Variants in FNDC3B observed in about 807,000 individuals in gnomAD.
FNDC3B encodes the protein fibronectin type III domain containing 3B.
In FNDC3B, 12 loss-of-function variants were observed where a neutral mutation model predicts 151.5. The ratio of observed to expected loss-of-function variants is 0.08; its 90% CI spans 0.05 to 0.13. The LOEUF is 0.13. Ranked by LOEUF, FNDC3B falls within the 10% of genes least tolerant of loss-of-function variation. The pLI is 1.00. For synonymous variants in FNDC3B, 528 were observed against 549.0 expected, an observed-to-expected ratio of 0.96 and a Z score of 0.54; for missense variants, 1,214 against 1,505.3, an observed-to-expected ratio of 0.81 and a Z score of 3.20.
intron 19 of FNDC3B, among the ~76,000 whole-genome samples, chr3:172,344,800 C>CTCTT (rs562697124): frequency 3.2e-4 from 48 of 152,244 alleles, no homozygotes; most frequent in African/African-American, 1.1e-3. Context: ...ATATATATGT[C>CTCTT]TATGTTATAT....
intron 1 of FNDC3B, among the ~76,000 whole-genome samples, chr3:172,056,574 A>C (rs1191255461): frequency 1.3e-5 from 2 of 152,194 alleles, no homozygotes; most frequent in Non-Finnish European, 2.9e-5. Context: ...TTAATTGCCC[A>C]GTCTCTCAGT....
intron 3 of FNDC3B, among the ~76,000 whole-genome samples, chr3:172,172,369 C>T (rs1723326076): frequency 6.6e-6 from 1 of 152,122 alleles, no homozygotes; most frequent in Non-Finnish European, 1.5e-5. Flanking sequence ...TAAAGAATAT[C>T]TAAGATTAAA....
chr3:172,077,160 A>G (rs1718053007), intron 1 of FNDC3B, among the ~76,000 whole-genome samples: 1 of 152,190 alleles, frequency 6.6e-6, no homozygotes, highest in South Asian at 2.1e-4. Flanking sequence ...GTTAAAAAAA[A>G]TAAAAAAAAG....
chr3:172,391,545 A>G (rs1020582146), intron 25 of FNDC3B, among the ~76,000 whole-genome samples: 3 of 152,220 alleles, frequency 2.0e-5, no homozygotes, highest in Non-Finnish European at 2.9e-5. Flanking sequence ...GCACAGAGAA[A>G]AAGAACTCTT....
At chr3:172,244,617 C>CGT (rs1727676224) in intron 4 of FNDC3B, among the ~76,000 whole-genome samples, 1 of 73,064 alleles carries the variant, frequency 1.4e-5, no homozygotes, top group African/African-American at 6.3e-5. Context: ...AATATTTCAC[C>CGT]TTTTTTTTTT....
In FNDC3B at chr3:172,344,100, G is replaced by A. The variant is rs1202263741; in HGVS notation, c.2092G>A (p.Glu698Lys). The change falls in exon 19 of 26, where the codon GAA becomes AAA. Residue 698 changes from glutamate to lysine, a missense_variant. Glu to Lys is a moderately conservative substitution (Grantham distance 56). Around this residue, in one of 7 missense-constraint regions of FNDC3B, gnomAD observed 380 missense variants for 420.9 expected, o/e 0.90. Coordinates refer to ENST00000415807, the MANE Select transcript of FNDC3B (RefSeq NM_022763.4). ...TTCATTCCCAGATGTTCCTGCATCG[G>A]AAAGTGGCTGTGAGGTCTCAGAGTA... ...VHLEWDVPAS[E>K]SGCEVSEYSV... 6.2e-7 allele frequency: 1 copy of A among 1,610,974 alleles called. No individual in the cohort carries two copies. Among genetic ancestry groups the A allele is most frequent in the South Asian group, 1.1e-5 (1 of 90,662 alleles).
intron 3 of FNDC3B, among the ~76,000 whole-genome samples, chr3:172,181,804 G>C (rs1723921466): frequency 1.5e-5 from 2 of 137,292 alleles, no homozygotes; most frequent in African/African-American, 5.6e-5. Flanking sequence ...ACTCCAGCCT[G>C]GTGACAGAGC....
In FNDC3B at chr3:172,352,787, C is replaced by G. The variant is rs1281496397; in HGVS notation, c.2515-16C>G. 1.2e-6 allele frequency: 2 copies of G among 1,609,620 alleles called. No homozygotes were observed. The highest frequency in any genetic ancestry group is 1.7e-6 in the Non-Finnish European group (2 of 1,178,400). On this transcript the variant is annotated splice_polypyrimidine_tract_variant and intron_variant, in intron 21 of 25. Coordinates refer to ENST00000415807, the MANE Select transcript of FNDC3B (RefSeq NM_022763.4). The surrounding 1 kb of genome is among the most constrained non-coding windows in gnomAD (Gnocchi z 4.2). ...ATGGTGTAATATGGCCTTTGTCTTGCTGTTCTGTTTTGTAGGCCTTCAATC... is the reference window on the plus strand; with the variant it reads ...ATGGTGTAATATGGCCTTTGTCTTGGTGTTCTGTTTTGTAGGCCTTCAATC...
chr3:172,206,418 G>A (rs1303979893), intron 3 of FNDC3B, among the ~76,000 whole-genome samples: 1 of 152,074 alleles, frequency 6.6e-6, no homozygotes, highest in African/African-American at 2.4e-5. Context: ...CAGCACTTTG[G>A]GAGGCCAAGG....
chr3:172,353,094 G>T lies in FNDC3B; in HGVS notation c.2795+11G>T. 2 of 1,611,502 alleles carry T rather than the reference G, an allele frequency of 1.2e-6. No homozygotes were observed. The highest frequency in any genetic ancestry group is 1.7e-6 in the Non-Finnish European group (2 of 1,178,980). Reference sequence around the variant, plus strand: ...AGAAACCACCTACCGGTGAGTGCAAGGGAGTAGAAATCTGCATCAGCACAT... The same window carrying T: ...AGAAACCACCTACCGGTGAGTGCAATGGAGTAGAAATCTGCATCAGCACAT... On this transcript the variant is annotated intron_variant, in intron 22 of 25. Coordinates refer to ENST00000415807, the MANE Select transcript of FNDC3B (RefSeq NM_022763.4).
At chr3:172,311,853 G>A (rs1329293088) in intron 11 of FNDC3B, among the ~76,000 whole-genome samples, 2 of 151,450 alleles carry the variant, frequency 1.3e-5, no homozygotes, top group Non-Finnish European at 2.9e-5. Context: ...ACTCTAGCCT[G>A]GGCGACAGAG....
intron 1 of FNDC3B, among the ~76,000 whole-genome samples, chr3:172,077,015 T>C (rs1718043019): frequency 6.6e-6 from 1 of 152,124 alleles, no homozygotes; most frequent in Non-Finnish European, 1.5e-5. Flanking sequence ...GAAAACAAAA[T>C]CTGCATAATG....
At chr3:172,098,553 T>G (rs1034706277) in intron 1 of FNDC3B, among the ~76,000 whole-genome samples, 1 of 152,258 alleles carries the variant, frequency 6.6e-6, no homozygotes, top group African/African-American at 2.4e-5. Flanking sequence ...AATTGCACAT[T>G]CAATGTTAAC....
chr3:172,259,416 G>A (rs1288414764), intron 6 of FNDC3B, among the ~76,000 whole-genome samples: 2 of 152,282 alleles, frequency 1.3e-5, no homozygotes, highest in Middle Eastern at 3.4e-3. Flanking sequence ...GTTAGGGGCC[G>A]AGCGCACTTG....
intron 3 of FNDC3B, among the ~76,000 whole-genome samples, chr3:172,165,538 A>G (rs1722965391): frequency 1.3e-5 from 2 of 152,202 alleles, no homozygotes; most frequent in East Asian, 1.9e-4. Context: ...TTATTGTTCC[A>G]TGAATATATT....
intron 23 of FNDC3B, among the ~76,000 whole-genome samples, chr3:172,371,036 C>T (rs374559772): frequency 2.6e-5 from 4 of 152,076 alleles, no homozygotes; most frequent in South Asian, 2.1e-4. Flanking sequence ...TGTATGATGA[C>T]GTGTTTCCAC....
intron 3 of FNDC3B, among the ~76,000 whole-genome samples, chr3:172,199,240 C>T (rs190879928): frequency 7.7e-4 from 116 of 150,044 alleles, no homozygotes; most frequent in African/African-American, 2.7e-3. Flanking sequence ...AGTGCAGTGG[C>T]GCGATCTCGG....
intron 5 of FNDC3B, 26 bp downstream of exon 5, chr3:172,247,802 G>A (rs539590144): frequency 5.6e-6 from 9 of 1,613,186 alleles, no homozygotes; most frequent in Non-Finnish European, 7.6e-6. Context: ...TTGGCGTCAG[G>A]AGCCGTTGAA....
chr3:172,347,749 CAG>C (rs1733679823), intron 21 of FNDC3B, among the ~76,000 whole-genome samples: 1 of 152,158 alleles, frequency 6.6e-6, no homozygotes, highest in African/African-American at 2.4e-5. Context: ...TGGTAAAAGA[CAG>C]AAAATTATTT....
Sources: allele counts gnomAD v4.1 joint callset (sites outside exome capture counted in the v4.1 genomes callset), GRCh38; gene constraint gnomAD v4.1.1; regional missense constraint gnomAD v4.1.1; non-coding constraint Gnocchi (gnomAD v3.1); transcripts MANE v1.5; gene names NCBI Gene and HGNC (gene_info 2026-07-23, HGNC 2026-07-21).